Variants in ICA1L observed in about 807,000 individuals in gnomAD.
The protein encoded by ICA1L is islet cell autoantigen 1-like protein.
In ICA1L, 50 loss-of-function variants were observed where a neutral mutation model predicts 61.3. The ratio of observed to expected loss-of-function variants is 0.82; its 90% CI spans 0.65 to 1.03. The LOEUF is 1.03. Ranked by LOEUF, ICA1L falls within the 50% of genes least tolerant of loss-of-function variation. ICA1L has a pLI of 0.00. For missense variants in ICA1L, 508 were observed against 556.7 expected (o/e 0.91, Z 0.88); for synonymous variants, 161 against 191.3 (o/e 0.84, Z 1.31).
chr2:202,803,709 G>A (rs1261871274), intron 9 of ICA1L, among the ~76,000 whole-genome samples: 1 of 151,896 alleles, frequency 6.6e-6, no homozygotes, highest in Non-Finnish European at 1.5e-5. Flanking sequence ...CTAATTTTTT[G>A]TAGAGACGGG....
chr2:202,823,958 G>A (rs928149703), intron 3 of ICA1L, among the ~76,000 whole-genome samples: 1 of 152,108 alleles, frequency 6.6e-6, no homozygotes, highest in African/African-American at 2.4e-5. Flanking sequence ...TCTTTAATGG[G>A]ACAATGTATA....
chr2:202,810,492 G>A (rs773123430), intron 9 of ICA1L, among the ~76,000 whole-genome samples: 5 of 151,992 alleles, frequency 3.3e-5, no homozygotes, highest in South Asian at 2.1e-4. Flanking sequence ...TCTTAGTCCC[G>A]TCATCTTCGT....
At chr2:202,860,154 C>G (rs1028277072) in intron 1 of ICA1L, 1 of 151,726 alleles carries the variant, frequency 6.6e-6, no homozygotes, top group African/African-American at 2.4e-5. Context: ...TACCTGTAGT[C>G]CTAGCTACTC....
intron 1 of ICA1L, among the ~76,000 whole-genome samples, chr2:202,833,629 A>G (rs1694070722): frequency 6.6e-6 from 1 of 152,144 alleles, no homozygotes; most frequent in Non-Finnish European, 1.5e-5. Flanking sequence ...AAAGCAAAAT[A>G]AAGATATTTT....
chr2:202,785,306 G>A (rs1220122760), intron 12 of ICA1L, among the ~76,000 whole-genome samples: 1 of 151,768 alleles, frequency 6.6e-6, no homozygotes, highest in East Asian at 1.9e-4. Flanking sequence ...TAGGCATCCT[G>A]TAATCAGAAA....
At chr2:202,826,340 G>C (rs1034422766) in intron 2 of ICA1L, among the ~76,000 whole-genome samples, 2 of 152,008 alleles carry the variant, frequency 1.3e-5, no homozygotes, top group African/African-American at 2.4e-5. Flanking sequence ...ATATCCAGTA[G>C]ACTCTCATTT....
chr2:202,838,474 C>A, intron 1 of ICA1L, among the ~76,000 whole-genome samples: 1 of 152,110 alleles, frequency 6.6e-6, no homozygotes, highest in East Asian at 1.9e-4. Context: ...TCCAGTGTTT[C>A]CTTACTGAAT....
intron 1 of ICA1L, among the ~76,000 whole-genome samples, chr2:202,852,723 C>T (rs1382996936): frequency 7.3e-5 from 11 of 150,242 alleles, no homozygotes. Flanking sequence ...ACATCCTCTC[C>T]AGCACCTATT....
chr2:202,855,270 CT>C (rs1313498754), intron 1 of ICA1L, among the ~76,000 whole-genome samples: 1 of 152,016 alleles, frequency 6.6e-6, no homozygotes, highest in Non-Finnish European at 1.5e-5. Flanking sequence ...AATTCAAAAA[CT>C]AGCAGAAGAC....
intron 10 of ICA1L, among the ~76,000 whole-genome samples, chr2:202,791,190 A>T (rs945969062): frequency 2.0e-5 from 3 of 152,200 alleles, no homozygotes; most frequent in Admixed American, 2.0e-4. Context: ...ATGAGTCCAG[A>T]TTTGATTGGT....
Position 202,814,766 on chromosome 2 carries a change from T to C in ICA1L, c.802A>G (p.Ser268Gly). 1 of 1,613,370 alleles carries C rather than the reference T, an allele frequency of 6.2e-7. No individual in the cohort carries two copies. The highest frequency in any genetic ancestry group is 8.5e-7 in the Non-Finnish European group (1 of 1,179,458). ...VALKQLQDTP[S>G]KISEDNKDEQ... is the part of the protein sequence containing the mutation. Reference sequence around the variant, plus strand: ...TCTTTATTGTCTTCACTAATCTTGCTTGGCGTGTCTTGTAGTTGCTAAAGA... The same window carrying C: ...TCTTTATTGTCTTCACTAATCTTGCCTGGCGTGTCTTGTAGTTGCTAAAGA... The change falls in exon 8 of 13, where the codon AGC (serine) becomes GGC (glycine). Residue 268 changes from serine (S) to glycine (G), a missense_variant. Coordinates refer to ENST00000358299, the MANE Select transcript of ICA1L (RefSeq NM_001288622.3).
intron 1 of ICA1L, among the ~76,000 whole-genome samples, chr2:202,862,177 A>G (rs925022979): frequency 7.1e-6 from 1 of 141,522 alleles, no homozygotes; most frequent in African/African-American, 2.6e-5. Flanking sequence ...TGTAGCTCCC[A>G]TTTGTAATCC....
intron 1 of ICA1L, among the ~76,000 whole-genome samples, chr2:202,842,977 A>AT (rs963196900): frequency 2.6e-5 from 4 of 151,990 alleles, no homozygotes; most frequent in African/African-American, 9.7e-5. Context: ...CCAGAATTTG[A>AT]TTTTTTTAAA....
Position 202,773,947 on chromosome 2 carries a change from G to T in ICA1L, c.*5586C>A. On this transcript the variant is annotated 3_prime_UTR_variant, in exon 13 of 13. Transcript: ENST00000358299. Reference sequence around the variant, plus strand: ...AGAGACAGAAAGATTCTTCTCTTCCGCTTATTACTTGCCACTGTGTTTTAA... The same window carrying T: ...AGAGACAGAAAGATTCTTCTCTTCCTCTTATTACTTGCCACTGTGTTTTAA... 1 of 1,110,288 alleles carries T rather than the reference G, an allele frequency of 9.0e-7. No homozygotes were observed. 68.8% of individuals were successfully genotyped at this position (1,110,288 alleles called of 1,614,324 possible).
intron 1 of ICA1L, among the ~76,000 whole-genome samples, chr2:202,851,355 G>A (rs1694614688): frequency 6.6e-6 from 1 of 152,040 alleles, no homozygotes; most frequent in Non-Finnish European, 1.5e-5. Flanking sequence ...CATTTTTTAT[G>A]GCTGCATAGT....
At chr2:202,804,027 C>T (rs1036992687) in intron 9 of ICA1L, among the ~76,000 whole-genome samples, 1 of 151,998 alleles carries the variant, frequency 6.6e-6, no homozygotes, top group African/African-American at 2.4e-5. Flanking sequence ...TTCCTTCAAG[C>T]CTCCTTGCTT....
chr2:202,811,849 T>TC, intron 8 of ICA1L, 60 bp from the exon 9 acceptor site: 1 of 1,231,376 alleles, frequency 8.1e-7, no homozygotes, highest in Non-Finnish European at 1.2e-6. Flanking sequence ...TGATTCATAT[T>TC]CCCCAAACAG....
chr2:202,840,086 T>G (rs1199727450), intron 1 of ICA1L, among the ~76,000 whole-genome samples: 3 of 149,330 alleles, frequency 2.0e-5, no homozygotes, highest in Non-Finnish European at 4.5e-5. Context: ...TTTTTTTTTT[T>G]TTGCAGAGCT....
intron 1 of ICA1L, among the ~76,000 whole-genome samples, chr2:202,855,209 A>T (rs995806113): frequency 1.3e-5 from 2 of 152,154 alleles, no homozygotes; most frequent in African/African-American, 4.8e-5. Flanking sequence ...AAGATCTAAA[A>T]TCGACACCCT....
Sources: gnomAD v4.1 joint callset for allele counts (sites outside exome capture counted in the v4.1 genomes callset) on GRCh38, gnomAD v4.1.1 for gene constraint, MANE v1.5 for transcripts, NCBI Gene and HGNC (gene_info 2026-07-23, HGNC 2026-07-21) for gene names.